GLMN: variants seen among roughly 807,000 people sequenced by gnomAD.
GLMN encodes the protein glomulin.
GLMN carries 75 observed loss-of-function variants against 87.8 expected under a neutral mutation model. The observed-to-expected ratio is 0.85, with a 90% CI of 0.71 to 1.04. The LOEUF is 1.04. GLMN is among the 50% of genes least tolerant of loss of function. The probability of loss-of-function intolerance (pLI) is 0.00; values close to 1 mark genes in which losing one functional copy is unlikely to be tolerated. For missense variants in GLMN, 588 were observed against 658.8 expected, an observed-to-expected ratio of 0.89 and a Z score of 1.18; for synonymous variants, 206 against 221.6, an observed-to-expected ratio of 0.93 and a Z score of 0.63.
chr1:92,354,749 T>TA, the GLMN span, among the ~76,000 whole-genome samples: 1 of 152,026 alleles, frequency 6.6e-6, no homozygotes, highest in African/African-American at 2.4e-5. Context: ...TACTTCTTAA[T>TA]ATTATATTCT....
intron 7 of GLMN, among the ~76,000 whole-genome samples, chr1:92,281,924 C>A (rs1210493328): frequency 6.6e-6 from 1 of 152,196 alleles, no homozygotes; most frequent in African/African-American, 2.4e-5. Flanking sequence ...GAAGAGCTAA[C>A]TATCCTAAAT....
chr1:92,322,006 C>T, the GLMN span, among the ~76,000 whole-genome samples: 1 of 145,130 alleles, frequency 6.9e-6, no homozygotes, highest in East Asian at 2.1e-4. Context: ...AATGCAGTGG[C>T]GCGATCTCGG....
chr1:92,320,382 C>A, the GLMN span, among the ~76,000 whole-genome samples: 1 of 152,142 alleles, frequency 6.6e-6, no homozygotes, highest in Non-Finnish European at 1.5e-5. Context: ...AAGCGATTCT[C>A]CTGCCTCAGC....
the GLMN span, chr1:92,320,601 A>T: frequency 3.1e-6 from 5 of 1,611,258 alleles, no homozygotes; most frequent in Non-Finnish European, 4.2e-6. Flanking sequence ...TATTACAGGC[A>T]TCCTGATTTT....
chr1:92,355,520 C>T, the GLMN span, among the ~76,000 whole-genome samples: 1 of 152,150 alleles, frequency 6.6e-6, no homozygotes, highest in Non-Finnish European at 1.5e-5. Context: ...GTGACACTGT[C>T]CAAGTGTTAT....
At chr1:92,262,823 T>G in intron 16 of GLMN, 40 bp downstream of exon 16, 1 of 841,220 alleles carries the variant, frequency 1.2e-6, no homozygotes, top group Non-Finnish European at 2.1e-6. Context: ...CTTATGCCTT[T>G]TGAATATACT....
chr1:92,246,875 T>C (rs1185217187), intron 18 of GLMN, among the ~76,000 whole-genome samples, 187 bp downstream of exon 18: 6 of 152,056 alleles, frequency 3.9e-5, no homozygotes, highest in African/African-American at 1.4e-4. Flanking sequence ...TACTAAAAAT[T>C]AGCCAGGCAT....
At chr1:92,300,243 T>C (rs774941318), upstream of GLMN, 23 of 1,605,498 alleles carry the variant, frequency 1.4e-5, 1 homozygote, top group South Asian at 2.5e-4. Flanking sequence ...CTAAAAGGTA[T>C]GACAGCTACA....
At chr1:92,369,470 A>G in the GLMN span, among the ~76,000 whole-genome samples, 3 of 152,044 alleles carry the variant, frequency 2.0e-5, no homozygotes, top group Non-Finnish European at 4.4e-5. Flanking sequence ...ACACTCAACT[A>G]ATTTTTTTAT....
the GLMN span, chr1:92,345,756 C>A: frequency 1.3e-6 from 1 of 790,090 alleles, no homozygotes. Flanking sequence ...GCTTCTTTGG[C>A]ACATTATTAT....
the GLMN span, among the ~76,000 whole-genome samples, chr1:92,317,995 C>A: frequency 4.6e-5 from 7 of 152,312 alleles, no homozygotes; most frequent in East Asian, 1.4e-3. Flanking sequence ...CTATCTCAAT[C>A]TGCAGCTATC....
chr1:92,269,385 T>C (rs1041241135), intron 9 of GLMN, among the ~76,000 whole-genome samples: 6 of 152,178 alleles, frequency 3.9e-5, no homozygotes, highest in African/African-American at 1.4e-4. Context: ...ACTTCTTTTA[T>C]TGACTGCCCT....
chr1:92,369,363 C>T, the GLMN span, among the ~76,000 whole-genome samples: 8 of 152,144 alleles, frequency 5.3e-5, no homozygotes, highest in Non-Finnish European at 1.0e-4. Context: ...ATGATCATAG[C>T]GCACTGTAAA....
the GLMN span, among the ~76,000 whole-genome samples, chr1:92,348,111 G>A: frequency 2.6e-5 from 4 of 152,036 alleles, no homozygotes; most frequent in Non-Finnish European, 4.4e-5. Context: ...GGCTGGTCTC[G>A]AACTCCTGAC....
At chr1:92,257,809 C>T (rs748830122) in intron 16 of GLMN, among the ~76,000 whole-genome samples, 3 of 151,950 alleles carry the variant, frequency 2.0e-5, no homozygotes, top group Non-Finnish European at 4.4e-5. Context: ...CCATAAAAAC[C>T]CTAGAAGAAA....
At chr1:92,309,544 CACA>C in the GLMN span, among the ~76,000 whole-genome samples, 1 of 40,760 alleles carries the variant, frequency 2.5e-5, no homozygotes, top group African/African-American at 1.9e-4. Flanking sequence ...TACACACATA[CACA>C]TACACATACA....
chr1:92,326,908 C>T, the GLMN span, among the ~76,000 whole-genome samples: 2 of 152,234 alleles, frequency 1.3e-5, no homozygotes, highest in Non-Finnish European at 2.9e-5. Context: ...AGGGCTTTCA[C>T]ATCTCCCAGC....
chr1:92,292,474 T>G (rs1326522603), intron 3 of GLMN, among the ~76,000 whole-genome samples: 60 of 152,000 alleles, frequency 3.9e-4, no homozygotes, highest in Non-Finnish European at 2.9e-5. Flanking sequence ...GCAGTGGCGC[T>G]GTCCCAGCTC....
intron 7 of GLMN, among the ~76,000 whole-genome samples, chr1:92,277,172 C>T (rs1440358106): frequency 6.6e-6 from 1 of 152,054 alleles, no homozygotes; most frequent in Non-Finnish European, 1.5e-5. Context: ...TAAATTTAGT[C>T]AATTAAAAAA....
Sources: gnomAD v4.1 joint callset for allele counts (sites outside exome capture counted in the v4.1 genomes callset) on GRCh38, gnomAD v4.1.1 for gene constraint, MANE v1.5 for transcripts, NCBI Gene and HGNC (gene_info 2026-07-23, HGNC 2026-07-21) for gene names.